PVT1: variants seen among roughly 807,000 people sequenced by gnomAD.
PVT1 encodes Pvt1 oncogene.
chr8:127,949,858 A>G (rs952431438), intron 3 of PVT1, among the ~76,000 whole-genome samples: 17 of 152,184 alleles, frequency 1.1e-4, no homozygotes, highest in Non-Finnish European at 2.2e-4. Context: ...CATCACCCTG[A>G]ATGGGGGCCA....
chr8:127,858,925 A>G (rs1815191548), intron 2 of PVT1, among the ~76,000 whole-genome samples: 1 of 144,494 alleles, frequency 6.9e-6, no homozygotes, highest in Non-Finnish European at 1.5e-5. Flanking sequence ...CTCCTGCCTC[A>G]GCCTCCTGAA....
chr8:127,860,722 G>A (rs1298121016), intron 2 of PVT1, among the ~76,000 whole-genome samples: 2 of 142,784 alleles, frequency 1.4e-5, no homozygotes, highest in East Asian at 2.1e-4. Context: ...TCGAGATCAC[G>A]CCACTGCACT....
intron 2 of PVT1, among the ~76,000 whole-genome samples, chr8:127,831,700 C>T (rs1460833031): frequency 6.6e-6 from 1 of 152,108 alleles, no homozygotes; most frequent in Non-Finnish European, 1.5e-5. Context: ...GAAGGAAGAC[C>T]TTCTTAAGGA....
In PVT1 at chr8:128,002,205, C is replaced by T. The variant is rs142252067; in HGVS notation, n.912+12914C>T. 3.4e-3 allele frequency among the ~76,000 whole-genome samples: 513 copies of T among 152,316 alleles called. 1 individual carries two copies. The highest frequency in any genetic ancestry group is 0.012 in the African/African-American group (485 of 41,558). ...AAAGACCTGGATAATCCCCAACAGG[C>T]GCCTGAGTCTCACATCCGCCCTGGG... On this transcript the variant is annotated intron_variant and non_coding_transcript_variant, in intron 4 of 10. Transcript: ENST00000651587.
intron 4 of PVT1, among the ~76,000 whole-genome samples, chr8:128,011,476 G>A (rs6651170): frequency 0.07 from 10,578 of 152,128 alleles, 1,156 homozygotes; most frequent in African/African-American, 0.23. Context: ...TGCTACGTGA[G>A]GACACAATGA....
At chr8:127,947,293 T>G (rs1563647170) in intron 3 of PVT1, 2 of 209,410 alleles carry the variant, frequency 9.6e-6, no homozygotes, top group East Asian at 2.2e-4. Context: ...CTCTGGCTTA[T>G]TGGGAAAGAA....
intron 5 of PVT1, among the ~76,000 whole-genome samples, chr8:128,086,646 T>C (rs1291823914): frequency 6.6e-6 from 1 of 152,240 alleles, no homozygotes. Flanking sequence ...AGAATTTCTT[T>C]TCATCCATAC....
chr8:127,819,835 C>A (rs1011758847), intron 2 of PVT1, among the ~76,000 whole-genome samples: 1 of 152,166 alleles, frequency 6.6e-6, no homozygotes, highest in Non-Finnish European at 1.5e-5. Context: ...CCAAGTAATT[C>A]GCCCTCATCA....
intron 4 of PVT1, among the ~76,000 whole-genome samples, chr8:128,068,421 G>A (rs1469526484): frequency 6.6e-6 from 1 of 152,150 alleles, no homozygotes; most frequent in Non-Finnish European, 1.5e-5. Flanking sequence ...GAGTCACAGT[G>A]ATGTTCACCA....
chr8:128,051,514 C>T (rs1346557516), intron 4 of PVT1, among the ~76,000 whole-genome samples: 2 of 152,154 alleles, frequency 1.3e-5, no homozygotes, highest in South Asian at 4.2e-4. Flanking sequence ...GTATTTTTTT[C>T]TTTAAATAAA....
intron 3 of PVT1, among the ~76,000 whole-genome samples, chr8:127,962,612 A>AT (rs1228416427): frequency 2.7e-4 from 40 of 150,084 alleles, no homozygotes; most frequent in South Asian, 2.3e-3. Context: ...TCTGCATTTT[A>AT]TTTTTTTTTG....
intron 4 of PVT1, among the ~76,000 whole-genome samples, chr8:128,048,222 G>A (rs1242113183): frequency 3.9e-5 from 6 of 152,224 alleles, no homozygotes; most frequent in Non-Finnish European, 8.8e-5. Flanking sequence ...CCAAGGCCAA[G>A]CTAGAGAAGG....
At chr8:127,961,449 G>A (rs1586457144) in intron 3 of PVT1, among the ~76,000 whole-genome samples, 2 of 152,290 alleles carry the variant, frequency 1.3e-5, no homozygotes, top group Middle Eastern at 3.4e-3. Context: ...GAATAGATTC[G>A]GTGCTGTGTG....
Position 127,858,354 on chromosome 8 carries a change from C to T in PVT1, n.373-32235C>T, listed in dbSNP as rs58221460. On this transcript the variant is annotated intron_variant and non_coding_transcript_variant, in intron 2 of 10. Transcript: ENST00000651587. Reference sequence around the variant, plus strand: ...CCTGGGAGGCGGAGGTTGCAGTGAGCGGATATTGTGCCATTGCACTCCAGC... The same window carrying T: ...CCTGGGAGGCGGAGGTTGCAGTGAGTGGATATTGTGCCATTGCACTCCAGC... Among the ~76,000 whole-genome samples the T allele has an allele frequency of 6.6e-3, 1,001 of 151,832 alleles. 11 individuals carry two copies. Among genetic ancestry groups the T allele is most frequent in the African/African-American group, 0.023 (945 of 41,366 alleles).
intron 3 of PVT1, among the ~76,000 whole-genome samples, chr8:127,942,775 G>A (rs1816368233): frequency 6.6e-6 from 1 of 152,186 alleles, no homozygotes; most frequent in Admixed American, 6.5e-5. Flanking sequence ...GTGAGATTCA[G>A]TCCCTCCTTG....
chr8:128,015,518 G>T (rs970428632), intron 4 of PVT1, among the ~76,000 whole-genome samples: 3 of 152,132 alleles, frequency 2.0e-5, no homozygotes, highest in Non-Finnish European at 2.9e-5. Flanking sequence ...GCTCACGTCT[G>T]TAACCCCAGC....
At chr8:128,040,803 T>A (rs1813521572) in intron 4 of PVT1, among the ~76,000 whole-genome samples, 1 of 151,724 alleles carries the variant, frequency 6.6e-6, no homozygotes. Context: ...TTTGAGTGCT[T>A]CTGTGTGTTG....
At chr8:127,913,901 C>T (rs1355396704) in intron 3 of PVT1, among the ~76,000 whole-genome samples, 2 of 152,094 alleles carry the variant, frequency 1.3e-5, no homozygotes, top group Non-Finnish European at 2.9e-5. Context: ...GGGTTTGGGG[C>T]CACACACATG....
At chr8:128,046,242 T>A (rs1458466088) in intron 4 of PVT1, among the ~76,000 whole-genome samples, 2 of 152,230 alleles carry the variant, frequency 1.3e-5, no homozygotes. Flanking sequence ...GCCCCTACTG[T>A]GTGCCAGACA....
Sources: allele counts gnomAD v4.1 joint callset (sites outside exome capture counted in the v4.1 genomes callset), GRCh38; gene constraint gnomAD v4.1.1; transcripts MANE v1.5; gene names NCBI Gene and HGNC (gene_info 2026-07-23, HGNC 2026-07-21).